The following DNAH7 variants were observed in gnomAD, a reference collection of about 807,000 sequenced individuals.
The protein encoded by DNAH7 is axonemal beta dynein heavy chain 7.
Under a neutral mutation model 444.6 loss-of-function variants are expected in DNAH7, and 397 were observed. The ratio of observed to expected loss-of-function variants is 0.89; its 90% CI spans 0.82 to 0.97. The LOEUF is 0.97. Among genes scored for constraint, DNAH7 ranks in the 50% least tolerant of loss-of-function variants. DNAH7 has a pLI of 0.00. For synonymous variants in DNAH7, 1,636 were observed against 1,624.4 expected (o/e 1.01, Z -0.17); for missense variants, 4,902 against 4,800.8 (o/e 1.02, Z -0.62).
chr2:195,845,927 C>G (rs1333721947), intron 46 of DNAH7, among the ~76,000 whole-genome samples: 1 of 152,204 alleles, frequency 6.6e-6, no homozygotes, highest in East Asian at 1.9e-4. Context: ...CTAGGAAATA[C>G]CATTCTAGAC....
chr2:196,045,248 GAAA>G (rs1181813843), intron 5 of DNAH7, among the ~76,000 whole-genome samples: 1 of 142,034 alleles, frequency 7.0e-6, no homozygotes, highest in African/African-American at 2.6e-5. Flanking sequence ...AGGGAGGGAA[GAAA>G]AAGAAGAAGG....
In DNAH7 at chr2:196,026,807, G is replaced by A; in HGVS notation, c.620C>T (p.Ser207Phe). The A allele has an allele frequency of 6.2e-7, 1 of 1,612,398 alleles. No homozygotes were observed. The highest frequency in any genetic ancestry group is 1.1e-5 in the South Asian group (1 of 90,996). Residue 207 changes from serine (S) to phenylalanine (F), a missense_variant, in exon 7 of 65, where the codon TCT becomes TTT. Ser to Phe is a radical substitution (Grantham distance 155, BLOSUM62 -2). Transcript: ENST00000312428. ...AAGATAATCCTCTCTCATTTCATCA[G>A]ATAATGTAACTATGCTGTCAGTGAA... ...KVFTDSIVTLSDEMREDYLLS... is the reference protein window; with the variant it reads ...KVFTDSIVTLFDEMREDYLLS...
In DNAH7 at chr2:196,014,490, C is replaced by G. The variant is rs529721527; in HGVS notation, c.870-1584G>C. Among the ~76,000 whole-genome samples, 150 of 152,082 alleles carry G rather than the reference C, an allele frequency of 9.9e-4. 1 individual carries two copies. The highest frequency in any genetic ancestry group is 1.8e-3 in the Non-Finnish European group (121 of 68,002). On this transcript the variant is annotated intron_variant, in intron 9 of 64. Transcript: ENST00000312428. ...CCAATCAGAAGTGAATTTCTGTAGA[C>G]CCATCTATTGGTCACATATCCCTCC...
Position 195,972,428 on chromosome 2 carries a change from T to C in DNAH7, c.1872A>G (p.Glu624=). Residue 624 remains glutamate, a synonymous_variant, in exon 16 of 65, where the codon GAA becomes GAG. Coordinates refer to ENST00000312428, the MANE Select transcript of DNAH7 (RefSeq NM_018897.3). ...TGGAATCCACTAATCTCTGTTCTAG[T>C]TCAATCATATCAGTTACCTCCACTT... is the stretch of plus-strand genomic sequence containing the variant. The part of the protein sequence containing the change: ...IQKVEVTDMI[E]LEQRLVDSKN... 6.2e-7 allele frequency: 1 copy of C among 1,614,112 alleles called. No individual in the cohort carries two copies. Among genetic ancestry groups the C allele is most frequent in the African/African-American group, 1.3e-5 (1 of 75,038 alleles).
chr2:196,059,829 C>T (rs888022760), intron 1 of DNAH7, among the ~76,000 whole-genome samples: 3 of 152,182 alleles, frequency 2.0e-5, no homozygotes. Flanking sequence ...CACCTTCTCC[C>T]ATGAGGTCTT....
intron 4 of DNAH7, 24 bp from the exon 5 acceptor site, chr2:196,047,523 G>C: frequency 6.7e-7 from 1 of 1,484,826 alleles, no homozygotes; most frequent in Non-Finnish European, 9.0e-7. Context: ...AAAAAAAAAA[G>C]CACAATTATT....
At chr2:195,956,950 A>G (rs1690706607) in intron 19 of DNAH7, among the ~76,000 whole-genome samples, 4 of 152,192 alleles carry the variant, frequency 2.6e-5, no homozygotes, top group Admixed American at 2.6e-4. Flanking sequence ...GCCACAGAAT[A>G]GACGGAGACA....
At chr2:196,056,452 TTTC>T (rs1697815479) in intron 2 of DNAH7, among the ~76,000 whole-genome samples, 1 of 151,956 alleles carries the variant, frequency 6.6e-6, no homozygotes, top group Non-Finnish European at 1.5e-5. Context: ...AGAAATGTTT[TTTC>T]TTTTCTGCAG....
chr2:195,967,395 C>A (rs1250629523), intron 17 of DNAH7, among the ~76,000 whole-genome samples: 1 of 152,034 alleles, frequency 6.6e-6, no homozygotes, highest in Non-Finnish European at 1.5e-5. Flanking sequence ...AGTTTACATA[C>A]CACAATTAAA....
At chr2:195,849,806 T>C (rs1699239169) in intron 46 of DNAH7, among the ~76,000 whole-genome samples, 1 of 152,096 alleles carries the variant, frequency 6.6e-6, no homozygotes, top group Admixed American at 6.5e-5. Context: ...TTGTACTATG[T>C]TCCCTAGGCT....
At chr2:195,834,433 A>C in intron 47 of DNAH7, 73 bp from the exon 48 acceptor site, 24 of 1,424,644 alleles carry the variant, frequency 1.7e-5, no homozygotes, top group Non-Finnish European at 2.2e-5. Flanking sequence ...TGTTCACATC[A>C]CAGGTCACTT....
At chr2:195,994,308 T>C (rs977955215) in intron 12 of DNAH7, 11 of 514,840 alleles carry the variant, frequency 2.1e-5, no homozygotes, top group Admixed American at 6.0e-5. Context: ...ATCAAAGATA[T>C]CACTGATGCC....
intron 61 of DNAH7, among the ~76,000 whole-genome samples, chr2:195,760,869 G>A (rs1350645036): frequency 6.6e-6 from 1 of 151,950 alleles, no homozygotes; most frequent in Non-Finnish European, 1.5e-5. Flanking sequence ...AAACTTATCA[G>A]TGCCCACATA....
At chr2:196,047,621 CTAAGTA>C (rs952074030) in intron 4 of DNAH7, 122 bp from the exon 5 acceptor site, 92 of 823,124 alleles carry the variant, frequency 1.1e-4, no homozygotes, top group Middle Eastern at 4.1e-4. Flanking sequence ...TCAAGTAATC[CTAAGTA>C]TAATTTTTTT....
rs1699503304 is a variant in DNAH7 at position 195,853,379 on chromosome 2, A to C, written c.8745T>G (p.Val2915=). 1.2e-6 allele frequency: 2 copies of C among 1,614,056 alleles called. No homozygotes were observed. Among genetic ancestry groups the C allele is most frequent in the African/African-American group, 2.7e-5 (2 of 75,016 alleles). The part of the protein sequence containing the change: ...TGDILISSGV[V]AYLGAFTSTY... ...TGGATGTGAAGGCTCCGAGGTAAGCAACCACTCCGGAGGAAATGAGGATAT... is the reference window on the plus strand; with the variant it reads ...TGGATGTGAAGGCTCCGAGGTAAGCCACCACTCCGGAGGAAATGAGGATAT... The change falls in exon 46 of 65, where the codon GTT becomes GTG. Residue 2915 remains valine (V), a synonymous_variant. Coordinates refer to ENST00000312428, the MANE Select transcript of DNAH7 (RefSeq NM_018897.3).
intron 51 of DNAH7, among the ~76,000 whole-genome samples, chr2:195,811,162 T>C (rs1696951305): frequency 6.6e-6 from 1 of 152,208 alleles, no homozygotes; most frequent in Admixed American, 6.5e-5. Flanking sequence ...TATAGGATCA[T>C]TCATATTCCT....
chr2:195,755,164 T>C (rs993213656), intron 62 of DNAH7, among the ~76,000 whole-genome samples: 3 of 152,224 alleles, frequency 2.0e-5, no homozygotes, highest in Admixed American at 2.0e-4. Context: ...GTCAGATGGT[T>C]ATGTTTTTCA....
intron 59 of DNAH7, among the ~76,000 whole-genome samples, chr2:195,776,778 T>C (rs1695085337): frequency 6.6e-6 from 1 of 152,214 alleles, no homozygotes; most frequent in Non-Finnish European, 1.5e-5. Context: ...TATTTTATAT[T>C]TTATTTAAAT....
intron 48 of DNAH7, among the ~76,000 whole-genome samples, chr2:195,826,099 C>T (rs1697733599): frequency 6.6e-6 from 1 of 152,054 alleles, no homozygotes. Context: ...ATTAATAATG[C>T]CACAGTGAAC....
Sources: allele counts gnomAD v4.1 joint callset (sites outside exome capture counted in the v4.1 genomes callset), GRCh38; gene constraint gnomAD v4.1.1; transcripts MANE v1.5; gene names NCBI Gene and HGNC (gene_info 2026-07-23, HGNC 2026-07-21).